Variants in FER observed in about 807,000 individuals in gnomAD.
The protein encoded by FER is FER tyrosine kinase.
A neutral mutation model predicts 111.0 loss-of-function variants in FER; 63 were observed. That is an observed-to-expected ratio of 0.57 (90% CI 0.46 to 0.70). The LOEUF (loss-of-function observed/expected upper bound fraction) is 0.70. Among genes scored for constraint, FER ranks in the 30% least tolerant of loss-of-function variants. The pLI, the probability that FER is intolerant of heterozygous loss-of-function variation, is 0.00. For synonymous variants in FER, 327 were observed against 313.9 expected, an observed-to-expected ratio of 1.04 and a Z score of -0.44; for missense variants, 914 against 954.0, an observed-to-expected ratio of 0.96 and a Z score of 0.55.
intron 17 of FER, among the ~76,000 whole-genome samples, chr5:109,138,384 T>C (rs1175128708): frequency 6.6e-6 from 1 of 152,310 alleles, no homozygotes; most frequent in East Asian, 1.9e-4. Flanking sequence ...ATGAACAGTT[T>C]CTGGGAATCC....
intron 3 of FER, among the ~76,000 whole-genome samples, chr5:108,807,467 G>A (rs903628757): frequency 6.6e-6 from 1 of 152,148 alleles, no homozygotes; most frequent in South Asian, 2.1e-4. Context: ...CAGTTTTGAT[G>A]TCACCTTTGT....
intron 17 of FER, among the ~76,000 whole-genome samples, chr5:109,152,462 C>G (rs1039188250): frequency 1.3e-5 from 2 of 151,818 alleles, no homozygotes; most frequent in Admixed American, 6.6e-5. Flanking sequence ...ACCATAAACC[C>G]ATTAGAATTA....
chr5:108,878,066 T>G (rs545356695), intron 8 of FER, among the ~76,000 whole-genome samples: 19 of 152,096 alleles, frequency 1.2e-4, no homozygotes, highest in African/African-American at 4.6e-4. Context: ...CCACCATACT[T>G]GGCTAATTTT....
At chr5:108,924,185 C>T (rs955143882) in intron 10 of FER, among the ~76,000 whole-genome samples, 6 of 151,648 alleles carry the variant, frequency 4.0e-5, no homozygotes, top group African/African-American at 1.5e-4. Context: ...GGTAAAACCC[C>T]GTCTCTACTA....
chr5:109,076,851 G>C (rs1042654531), intron 16 of FER, among the ~76,000 whole-genome samples: 1 of 152,186 alleles, frequency 6.6e-6, no homozygotes, highest in Non-Finnish European at 1.5e-5. Context: ...TTAGCTTTCT[G>C]TATTTCAGAC....
intron 5 of FER, among the ~76,000 whole-genome samples, chr5:108,866,298 A>G (rs1177150553): frequency 6.6e-6 from 1 of 152,218 alleles, no homozygotes; most frequent in Non-Finnish European, 1.5e-5. Context: ...ACATGGATGA[A>G]GCTGGAAACC....
Position 108,946,086 on chromosome 5 carries a change from G to T in FER, c.1237-44G>T. The T allele has an allele frequency of 3.8e-6, 5 of 1,329,376 alleles. No individual in the cohort carries two copies. The South Asian group carries it at 4.7e-5, about 13-fold the overall frequency. 82.3% of individuals were successfully genotyped at this position (1,329,376 alleles called of 1,614,324 possible). ...AAATACATAAATGTCTATACATATT[G>T]GATAGTTTACTGTTGCTGAAGGCTT... is the stretch of plus-strand genomic sequence containing the variant. On this transcript the variant is annotated intron_variant, in intron 10 of 19. Coordinates refer to ENST00000281092, the MANE Select transcript of FER (RefSeq NM_005246.4).
chr5:108,782,044 A>G (rs946456662), intron 2 of FER, among the ~76,000 whole-genome samples: 1 of 151,962 alleles, frequency 6.6e-6, no homozygotes, highest in Non-Finnish European at 1.5e-5. Flanking sequence ...TAAGTTTCCC[A>G]CTTGTTGGCA....
At chr5:108,936,447 A>G (rs1043009832) in intron 10 of FER, among the ~76,000 whole-genome samples, 10 of 151,982 alleles carry the variant, frequency 6.6e-5, no homozygotes, top group African/African-American at 2.4e-4. Context: ...GCTTTAGGCC[A>G]GTGGTTTATT....
At chr5:109,143,317 C>T (rs1753720913) in intron 17 of FER, among the ~76,000 whole-genome samples, 1 of 152,120 alleles carries the variant, frequency 6.6e-6, no homozygotes. Flanking sequence ...CATAAATTTA[C>T]TTGTCTTGTT....
intron 16 of FER, among the ~76,000 whole-genome samples, chr5:109,076,511 C>T (rs1192490504): frequency 3.3e-5 from 5 of 152,196 alleles, no homozygotes; most frequent in African/African-American, 1.2e-4. Flanking sequence ...CACACTGCAA[C>T]CTCTCCCTCC....
intron 14 of FER, among the ~76,000 whole-genome samples, chr5:109,043,602 C>T (rs985436078): frequency 2.6e-5 from 4 of 152,122 alleles, no homozygotes; most frequent in Non-Finnish European, 2.9e-5. Flanking sequence ...CATCTTAGTG[C>T]TCTAAAACTC....
chr5:109,138,270 G>A (rs180830610), intron 17 of FER, among the ~76,000 whole-genome samples: 1 of 152,098 alleles, frequency 6.6e-6, no homozygotes, highest in Admixed American at 6.5e-5. Context: ...TATTTTTTTT[G>A]TAGTGGGAAT....
chr5:109,125,826 C>T (rs912228943), intron 17 of FER, among the ~76,000 whole-genome samples: 1 of 152,114 alleles, frequency 6.6e-6, no homozygotes, highest in Non-Finnish European at 1.5e-5. Context: ...TAAGAACATT[C>T]CCAGGTTGTT....
intron 13 of FER, among the ~76,000 whole-genome samples, chr5:108,969,616 T>TTTTTTTTTTTTTTTTTTGA (rs1561695264): frequency 1.5e-4 from 23 of 149,046 alleles, no homozygotes; most frequent in African/African-American, 6.0e-4. Context: ...TTAATTTTTT[T>TTTTTTTTTTTTTTTTTTGA]GAACACTGTG....
chr5:108,895,929 A>AT (rs935113325), intron 9 of FER, among the ~76,000 whole-genome samples: 5 of 151,646 alleles, frequency 3.3e-5, no homozygotes, highest in East Asian at 1.9e-4. Context: ...ATTCTTTTAA[A>AT]TTTTTTTTAT....
intron 5 of FER, among the ~76,000 whole-genome samples, chr5:108,857,070 A>G (rs1199692297): frequency 2.0e-5 from 3 of 151,936 alleles, no homozygotes; most frequent in Admixed American, 1.3e-4. Context: ...ATTCCCATAT[A>G]CCGTTCACTC....
Position 109,180,858 on chromosome 5 carries a change from G to A in FER, c.2160G>A (p.Lys720=). 1.2e-6 allele frequency: 2 copies of A among 1,613,350 alleles called. No homozygotes were observed. Among genetic ancestry groups the A allele is most frequent in the South Asian group, 1.1e-5 (1 of 90,966 alleles). Residue 720 remains lysine (K), a synonymous_variant, in exon 18 of 20, where the codon AAG becomes AAA. Coordinates refer to ENST00000281092, the MANE Select transcript of FER (RefSeq NM_005246.4). ...DGGVYSSSGL[K]QIPIKWTAPE... is the part of the protein sequence containing the mutation. ...GAGTGTATTCATCTTCTGGCTTAAA[G>A]CAGATTCCCATTAAATGGACAGCAC...
At chr5:108,971,272 CAAAAAAAAAAAAAA>C (rs201694196) in intron 13 of FER, among the ~76,000 whole-genome samples, 2 of 76,370 alleles carry the variant, frequency 2.6e-5, no homozygotes, top group African/African-American at 4.1e-5. Flanking sequence ...GAACCTGTCT[CAAAAAAAAAAAAAA>C]AAAAAAAAAA....
Sources: gnomAD v4.1 joint callset for allele counts (sites outside exome capture counted in the v4.1 genomes callset) on GRCh38, gnomAD v4.1.1 for gene constraint, MANE v1.5 for transcripts, NCBI Gene and HGNC (gene_info 2026-07-23, HGNC 2026-07-21) for gene names.